ASTN2: variants seen among roughly 807,000 people sequenced by gnomAD.
ASTN2 encodes astrotactin-2.
A neutral mutation model predicts 139.8 loss-of-function variants in ASTN2; 54 were observed. The ratio of observed to expected loss-of-function variants is 0.39; its 90% CI spans 0.31 to 0.48. The LOEUF (loss-of-function observed/expected upper bound fraction) is 0.48. Ranked by LOEUF, ASTN2 falls within the 20% of genes least tolerant of loss-of-function variation. ASTN2 has a pLI of 0.95. For synonymous variants in ASTN2, 756 were observed against 719.5 expected (o/e 1.05, Z -0.81); for missense variants, 1,565 against 1,725.1 (o/e 0.91, Z 1.64).
intron 1 of ASTN2, among the ~76,000 whole-genome samples, chr9:117,377,800 G>T (rs1234801100): frequency 6.6e-6 from 1 of 152,042 alleles, no homozygotes; most frequent in Non-Finnish European, 1.5e-5. Flanking sequence ...TTCTAATGTT[G>T]AAAGATTTCC....
chr9:117,292,466 G>A (rs1834618077), intron 1 of ASTN2, among the ~76,000 whole-genome samples: 1 of 152,144 alleles, frequency 6.6e-6, no homozygotes, highest in Non-Finnish European at 1.5e-5. Flanking sequence ...AGAAAGACAA[G>A]GCCTATCAGT....
intron 17 of ASTN2, among the ~76,000 whole-genome samples, chr9:116,632,161 A>AGG (rs1856788637): frequency 3.0e-5 from 1 of 33,304 alleles, no homozygotes; most frequent in Non-Finnish European, 5.0e-5. Context: ...AGAGAGACAG[A>AGG]GAGAGAGAGA....
chr9:117,387,879 T>C (rs1464975878), intron 1 of ASTN2, among the ~76,000 whole-genome samples: 1 of 152,158 alleles, frequency 6.6e-6, no homozygotes, highest in Non-Finnish European at 1.5e-5. Flanking sequence ...CACCTGGTCT[T>C]TATAGAGCCC....
chr9:116,472,207 A>G (rs1216659808), intron 20 of ASTN2, among the ~76,000 whole-genome samples: 1 of 152,112 alleles, frequency 6.6e-6, no homozygotes, highest in Non-Finnish European at 1.5e-5. Flanking sequence ...TATACTGTAC[A>G]TTTCAACTGC....
At chr9:116,432,802 C>T (rs1405452322) in intron 22 of ASTN2, among the ~76,000 whole-genome samples, 3 of 151,966 alleles carry the variant, frequency 2.0e-5, no homozygotes, top group East Asian at 1.9e-4. Flanking sequence ...TGGTGGCAGG[C>T]GCCTGTAATC....
intron 4 of ASTN2, among the ~76,000 whole-genome samples, chr9:117,119,084 G>A (rs930122874): frequency 6.6e-6 from 1 of 152,154 alleles, no homozygotes; most frequent in Non-Finnish European, 1.5e-5. Flanking sequence ...CCAGCATTGG[G>A]TAGGCATTCA....
At chr9:117,194,258 A>G (rs993427587) in intron 3 of ASTN2, among the ~76,000 whole-genome samples, 3 of 152,132 alleles carry the variant, frequency 2.0e-5, no homozygotes, top group African/African-American at 7.2e-5. Context: ...TTCATCCTTC[A>G]GATCTCTGGG....
intron 13 of ASTN2, among the ~76,000 whole-genome samples, chr9:116,791,714 G>C (rs568517752): frequency 6.6e-6 from 1 of 152,292 alleles, no homozygotes; most frequent in South Asian, 2.1e-4. Flanking sequence ...TGAGCGTTTA[G>C]ACCAGCCTGA....
chr9:116,970,840 G>T (rs138238929), intron 10 of ASTN2, among the ~76,000 whole-genome samples: 1 of 152,126 alleles, frequency 6.6e-6, no homozygotes, highest in African/African-American at 2.4e-5. Flanking sequence ...TGACTGAGGC[G>T]CTCCAAAAGC....
At chr9:117,016,604 CTATATCTATATCTATCTAT>C (rs1837687320) in intron 6 of ASTN2, among the ~76,000 whole-genome samples, 1 of 21,642 alleles carries the variant, frequency 4.6e-5, no homozygotes, top group African/African-American at 2.2e-4. Flanking sequence ...ATATATATAT[CTATATCTATATCTATCTAT>C]CTATATATAT....
intron 1 of ASTN2, among the ~76,000 whole-genome samples, chr9:117,384,329 A>G (rs549737412): frequency 1.3e-5 from 2 of 152,336 alleles, no homozygotes; most frequent in African/African-American, 2.4e-5. Context: ...ATTCAAAGAC[A>G]AAAGCGAAAC....
chr9:116,998,750 AC>A (rs756880329), intron 7 of ASTN2, among the ~76,000 whole-genome samples: 1 of 152,276 alleles, frequency 6.6e-6, no homozygotes, highest in Non-Finnish European at 1.5e-5. Context: ...TTCTCTATAA[AC>A]AAATATCAGC....
At chr9:117,340,500 A>T (rs1259896124) in intron 1 of ASTN2, among the ~76,000 whole-genome samples, 1 of 152,100 alleles carries the variant, frequency 6.6e-6, no homozygotes, top group Non-Finnish European at 1.5e-5. Flanking sequence ...CAAGGGCTCA[A>T]TAATAACTAC....
At chr9:117,105,329 TGA>T (rs1361205520) in intron 4 of ASTN2, among the ~76,000 whole-genome samples, 2 of 152,156 alleles carry the variant, frequency 1.3e-5, no homozygotes, top group Non-Finnish European at 2.9e-5. Flanking sequence ...CACGGTGCTG[TGA>T]GATTCTTAGC....
intron 6 of ASTN2, among the ~76,000 whole-genome samples, chr9:117,027,820 A>AGGGT (rs1838132419): frequency 6.6e-6 from 1 of 152,136 alleles, no homozygotes; most frequent in Non-Finnish European, 1.5e-5. Flanking sequence ...GATCCCTGTG[A>AGGGT]GGGTGTGATT....
chr9:116,660,454 C>T (rs1858495456), intron 16 of ASTN2, among the ~76,000 whole-genome samples: 2 of 152,174 alleles, frequency 1.3e-5, no homozygotes, highest in South Asian at 4.1e-4. Flanking sequence ...CTCTCTAAGC[C>T]TCCATTTCCT....
At chr9:116,932,512 G>C (rs1030489885) in intron 10 of ASTN2, among the ~76,000 whole-genome samples, 4 of 152,134 alleles carry the variant, frequency 2.6e-5, no homozygotes, top group African/African-American at 4.8e-5. Flanking sequence ...AGAGGCAGCT[G>C]GTTCTACATT....
At chr9:117,367,986 T>G (rs931676419) in intron 1 of ASTN2, among the ~76,000 whole-genome samples, 3 of 152,156 alleles carry the variant, frequency 2.0e-5, no homozygotes, top group Non-Finnish European at 4.4e-5. Context: ...AACTTCCACT[T>G]GCAGCTCCTT....
At chr9:116,914,581 A>AATT (rs1554760039) in intron 10 of ASTN2, among the ~76,000 whole-genome samples, 2 of 147,232 alleles carry the variant, frequency 1.4e-5, no homozygotes, top group African/African-American at 5.0e-5. Context: ...ATTTATATAT[A>AATT]TTTTTTTTTA....
Sources: gnomAD v4.1 joint callset for allele counts (sites outside exome capture counted in the v4.1 genomes callset) on GRCh38, gnomAD v4.1.1 for gene constraint, MANE v1.5 for transcripts, NCBI Gene and HGNC (gene_info 2026-07-23, HGNC 2026-07-21) for gene names.